Variants in NAV1 observed in about 807,000 individuals in gnomAD.
NAV1 encodes the protein neuron navigator 1.
In NAV1, 18 loss-of-function variants were observed where a neutral mutation model predicts 175.2. The ratio of observed to expected loss-of-function variants is 0.10; its 90% CI spans 0.07 to 0.15. The LOEUF (loss-of-function observed/expected upper bound fraction) is 0.15, where lower values mean the gene tolerates loss of function less well. Ranked by LOEUF, NAV1 falls within the 10% of genes least tolerant of loss-of-function variation. The pLI is 1.00. For missense variants in NAV1, 1,731 were observed against 2,436.6 expected (o/e 0.71, Z 6.10); for synonymous variants, 897 against 978.7 (o/e 0.92, Z 1.56).
chr1:201,642,559 TCC>T (rs753931167), intron 2 of NAV1, among the ~76,000 whole-genome samples: 5,171 of 98,286 alleles, frequency 0.053, 211 homozygotes, highest in Non-Finnish European at 0.073. Context: ...CTTTCTTTTT[TCC>T]CTTTCTTCCC....
intron 3 of NAV1, chr1:201,724,013 C>G (rs910377788): frequency 1.3e-5 from 2 of 152,216 alleles, no homozygotes; most frequent in Admixed American, 1.3e-4. Flanking sequence ...GTTTTTCGAA[C>G]CTTTCATTGT....
Position 201,793,886 on chromosome 1 carries a change from T to A in NAV1, c.3405+11T>A. 1 of 479,890 alleles carries A rather than the reference T, an allele frequency of 2.1e-6. No homozygotes were observed. The highest frequency in any genetic ancestry group is 3.4e-6 in the Non-Finnish European group (1 of 293,220). 29.7% of individuals were successfully genotyped at this position (479,890 alleles called of 1,614,324 possible). On this transcript the variant is annotated intron_variant, in intron 14 of 29. Coordinates refer to ENST00000367296, the Ensembl canonical transcript of NAV1. ...ACGGCCGAGGAGAAGGTGAGAGGCCTGGGAAAGGGTGGGAGGGGTGGGTGC... is the reference window on the plus strand; with the variant it reads ...ACGGCCGAGGAGAAGGTGAGAGGCCAGGGAAAGGGTGGGAGGGGTGGGTGC...
chr1:201,574,548 C>T (rs1666638994), intron 1 of NAV1, among the ~76,000 whole-genome samples: 1 of 152,096 alleles, frequency 6.6e-6, no homozygotes, highest in Non-Finnish European at 1.5e-5. Context: ...CCTGCTCAAC[C>T]TCATAGAAAA....
intron 2 of NAV1, among the ~76,000 whole-genome samples, chr1:201,597,095 G>C (rs1297097212): frequency 6.6e-6 from 1 of 152,136 alleles, no homozygotes; most frequent in Admixed American, 6.5e-5. Context: ...CAAAGTGCTG[G>C]GATTACAGAC....
intron 3 of NAV1, among the ~76,000 whole-genome samples, chr1:201,760,666 A>G (rs1426712162): frequency 6.6e-6 from 1 of 152,228 alleles, no homozygotes; most frequent in Admixed American, 6.5e-5. Flanking sequence ...GAAAAGGAAA[A>G]TAAATCAAGT....
At chr1:201,818,710 T>G (rs1431604450) in intron 29 of NAV1, among the ~76,000 whole-genome samples, 1 of 152,138 alleles carries the variant, frequency 6.6e-6, no homozygotes, top group Non-Finnish European at 1.5e-5. Context: ...ACTCCGCTGG[T>G]GGGAGTGGTT....
intron 3 of NAV1, among the ~76,000 whole-genome samples, chr1:201,751,474 T>G (rs1674103500): frequency 1.3e-5 from 2 of 152,144 alleles, no homozygotes; most frequent in South Asian, 4.1e-4. Flanking sequence ...ACATAATGGG[T>G]ATGAGACAGT....
intron 2 of NAV1, among the ~76,000 whole-genome samples, chr1:201,640,134 A>G (rs1448382382): frequency 6.6e-6 from 1 of 152,034 alleles, no homozygotes; most frequent in Non-Finnish European, 1.5e-5. Context: ...ATTTTCCCCA[A>G]TAGACAGGAA....
At position 201,806,778 on chromosome 1, in the gene NAV1, C is replaced by T. The variant is rs114971087; in HGVS notation, c.3649-1175C>T. On this transcript the variant is annotated intron_variant, in intron 17 of 29. Transcript: ENST00000367296. ...CCAGCCAGCTGCACACATACTCACT[C>T]ATTCATGTCTCCACCACAGCCAAGT... 7.6e-3 allele frequency among the ~76,000 whole-genome samples: 1,163 copies of T among 152,304 alleles called. 12 individuals are homozygous for T. Among genetic ancestry groups the T allele is most frequent in the African/African-American group, 0.026 (1,090 of 41,564 alleles).
intron 2 of NAV1, among the ~76,000 whole-genome samples, chr1:201,643,072 CCT>C (rs1446756849): frequency 1.3e-5 from 2 of 151,162 alleles, no homozygotes; most frequent in Non-Finnish European, 2.9e-5. Context: ...CCGTGCCTGG[CCT>C]CTTTCTCTCT....
chr1:201,790,577 G>A (rs1281230057), exon 12 of NAV1: 1 of 1,613,948 alleles, frequency 6.2e-7, no homozygotes, highest in Non-Finnish European at 8.5e-7. Context: ...TGCAATCTGA[G>A]GTAGGGTGGA....
At chr1:201,547,791 T>C (rs1431696474) in intron 1 of NAV1, among the ~76,000 whole-genome samples, 1 of 152,240 alleles carries the variant, frequency 6.6e-6, no homozygotes, top group Non-Finnish European at 1.5e-5. Context: ...CTAGGTCTTT[T>C]TTTAAATTAC....
chr1:201,801,709 T>C (rs1329164667), intron 15 of NAV1, among the ~76,000 whole-genome samples: 1 of 152,208 alleles, frequency 6.6e-6, no homozygotes, highest in Non-Finnish European at 1.5e-5. Flanking sequence ...TCCCTGTGCA[T>C]TTCTTTGCAA....
exon 30 of NAV1, chr1:201,826,307 T>C (rs1679667074): frequency 6.6e-6 from 1 of 152,238 alleles, no homozygotes; most frequent in South Asian, 2.1e-4. Context: ...CATTTCTCTA[T>C]GCCTGAAGAC....
rs989900400 is a variant in NAV1 at position 201,812,120 on chromosome 1, A to G, written c.5024+146A>G. On this transcript the variant is annotated intron_variant, in intron 26 of 29. Coordinates refer to ENST00000367296, the Ensembl canonical transcript of NAV1. The surrounding 1 kb of genome is among the most constrained non-coding windows in gnomAD (Gnocchi z 4.6). Reference sequence around the variant, plus strand: ...GAAATAGAAAGTAGATGTATTTGTCATGTCAGTTACAAGGTGGAGGAGGAC... The same window carrying G: ...GAAATAGAAAGTAGATGTATTTGTCGTGTCAGTTACAAGGTGGAGGAGGAC... 2 of 813,766 alleles carry G rather than the reference A, an allele frequency of 2.5e-6. No homozygotes were observed. Among genetic ancestry groups the G allele is most frequent in the African/African-American group, 3.4e-5 (2 of 58,476 alleles). 50.4% of individuals were successfully genotyped at this position (813,766 alleles called of 1,614,324 possible).
chr1:201,648,114 C>T (rs1452390534), upstream of NAV1: 2 of 350,626 alleles, frequency 5.7e-6, no homozygotes, highest in African/African-American at 2.2e-5. Flanking sequence ...CGTGCGCACA[C>T]TCGCTCCCCT....
chr1:201,585,253 C>T (rs1384669916), intron 1 of NAV1, among the ~76,000 whole-genome samples: 1 of 152,096 alleles, frequency 6.6e-6, no homozygotes, highest in Non-Finnish European at 1.5e-5. Context: ...ACCCTTAAAG[C>T]AGAACATTTC....
intron 2 of NAV1, among the ~76,000 whole-genome samples, chr1:201,614,712 A>C (rs950801361): frequency 2.0e-5 from 3 of 152,112 alleles, no homozygotes; most frequent in Non-Finnish European, 2.9e-5. Context: ...GGTGGAAAGG[A>C]GTTAGGGCTG....
chr1:201,642,560 C>CTTTTTTT (rs1491393436), intron 2 of NAV1, among the ~76,000 whole-genome samples: 1 of 32,890 alleles, frequency 3.0e-5, no homozygotes, highest in African/African-American at 2.2e-4. Flanking sequence ...TTTCTTTTTT[C>CTTTTTTT]CCTTTCTTCC....
Sources: allele counts gnomAD v4.1 joint callset (sites outside exome capture counted in the v4.1 genomes callset), GRCh38; gene constraint gnomAD v4.1.1; non-coding constraint Gnocchi (gnomAD v3.1); transcripts MANE v1.5; gene names NCBI Gene and HGNC (gene_info 2026-07-23, HGNC 2026-07-21).